SRSF12: variants seen among roughly 807,000 people sequenced by gnomAD.
SRSF12 encodes serine/arginine-rich splicing factor 12.
SRSF12 carries 21 observed loss-of-function variants against 34.1 expected under a neutral mutation model. The ratio of observed to expected loss-of-function variants is 0.62; its 90% CI spans 0.44 to 0.89. The LOEUF (loss-of-function observed/expected upper bound fraction) is 0.89, where lower values mean the gene tolerates loss of function less well. SRSF12 is among the 40% of genes least tolerant of loss of function. The pLI is 0.00. For synonymous variants in SRSF12, 111 were observed against 110.8 expected (o/e 1.00, Z -0.01); for missense variants, 278 against 327.8 (o/e 0.85, Z 1.17).
At chr6:89,104,649 G>T (rs1276306433) in intron 4 of SRSF12, among the ~76,000 whole-genome samples, 1 of 151,896 alleles carries the variant, frequency 6.6e-6, no homozygotes, top group Admixed American at 6.6e-5. Context: ...ATAAACCCAA[G>T]TTAAATAACA....
chr6:89,114,944 G>C (rs1409907479), intron 1 of SRSF12, among the ~76,000 whole-genome samples: 1 of 151,334 alleles, frequency 6.6e-6, no homozygotes, highest in African/African-American at 2.4e-5. Context: ...TCACAGGCAC[G>C]CACCACCATG....
At chr6:89,102,144 TTTTG>T (rs149713169) in intron 4 of SRSF12, among the ~76,000 whole-genome samples, 9,484 of 151,680 alleles carry the variant, frequency 0.063, 847 homozygotes, top group African/African-American at 0.2. Flanking sequence ...CAATTTTTGG[TTTTG>T]TTTGTTTGTT....
At chr6:89,107,943 T>A (rs1215814437) in intron 1 of SRSF12, among the ~76,000 whole-genome samples, 1 of 152,220 alleles carries the variant, frequency 6.6e-6, no homozygotes, top group Non-Finnish European at 1.5e-5. Context: ...ATTGTTTCAC[T>A]AAGAACACAT....
In SRSF12 at chr6:89,117,956, G is replaced by A; in HGVS notation, c.-69C>T. ...ACTCGCTCCGTCTCCCGCTACCGCT[G>A]CTACCACCACAGGAGCTCCGCCGGC... On this transcript the variant is annotated 5_prime_UTR_variant, in exon 1 of 5. Coordinates refer to ENST00000452027, the MANE Select transcript of SRSF12 (RefSeq NM_080743.5). The A allele has an allele frequency of 2.7e-6, 4 of 1,482,010 alleles. No homozygotes were observed. The highest frequency in any genetic ancestry group is 2.7e-6 in the Non-Finnish European group (3 of 1,104,696). The allele number at this position is 1,482,010 out of a possible 1,614,324, so 91.8% of individuals were successfully genotyped here. A position where few individuals can be genotyped will look rare whatever the true frequency, so the allele number is the denominator to read the frequency against.
chr6:89,101,630 G>A (rs1250506038), intron 4 of SRSF12, among the ~76,000 whole-genome samples: 3 of 151,878 alleles, frequency 2.0e-5, no homozygotes, highest in South Asian at 2.1e-4. Context: ...TCTGGGAGGC[G>A]GAGGTTGTAG....
rs1222574112 is a variant in SRSF12 at position 89,117,978 on chromosome 6, C to T, written c.-91G>A. ...GCTGCTACCACCACAGGAGCTCCGC[C>T]GGCCCCCGGCGCGACCCCCACCCCT... On this transcript the variant is annotated 5_prime_UTR_variant, in exon 1 of 5. Coordinates refer to ENST00000452027, the MANE Select transcript of SRSF12 (RefSeq NM_080743.5). 3 of 1,380,592 alleles carry T rather than the reference C, an allele frequency of 2.2e-6. No individual in the cohort carries two copies. The highest frequency in any genetic ancestry group is 2.9e-6 in the Non-Finnish European group (3 of 1,027,622). 85.5% of individuals were successfully genotyped at this position (1,380,592 alleles called of 1,614,324 possible).
rs1026817311 is a variant in SRSF12, at chr6:89,112,870, T to A, written c.65+4953A>T. On this transcript the variant is annotated intron_variant, in intron 1 of 4. Coordinates refer to ENST00000452027, the MANE Select transcript of SRSF12 (RefSeq NM_080743.5). ...CTAGACAGGTGTACCTTTTAAAAAATCTTTTACACCATATTTTTAGTGTCT... is the reference window on the plus strand; with the variant it reads ...CTAGACAGGTGTACCTTTTAAAAAAACTTTTACACCATATTTTTAGTGTCT... Among the ~76,000 whole-genome samples the A allele has an allele frequency of 3.9e-5, 6 of 152,208 alleles. No homozygotes were observed. The East Asian group carries it at 9.6e-4, about 24-fold the overall frequency.
chr6:89,096,626 A>G lies in SRSF12; in HGVS notation c.*1952T>C, dbSNP rs1392393420. 6.6e-6 allele frequency: 1 copy of G among 152,174 alleles called. No individual in the cohort carries two copies. Among genetic ancestry groups the G allele is most frequent in the East Asian group, 1.9e-4 (1 of 5,204 alleles). The allele number at this position is 152,174 out of a possible 1,614,324, so 9.4% of individuals were successfully genotyped here. ...GTGAATACAGAGTAAAGATACTATA[A>G]TCAATCCCTAGTTATTATTTTTCAC... is the stretch of plus-strand genomic sequence containing the variant. On this transcript the variant is annotated 3_prime_UTR_variant, in exon 5 of 5. Coordinates refer to ENST00000452027, the MANE Select transcript of SRSF12 (RefSeq NM_080743.5).
rs567706464 is a variant in SRSF12 at position 89,104,351 on chromosome 6, C to T, written c.416+768G>A. On this transcript the variant is annotated intron_variant, in intron 4 of 4. Coordinates refer to ENST00000452027, the MANE Select transcript of SRSF12 (RefSeq NM_080743.5). ...TCCCAGGTTCAAGTGATTCTCCTGCCTCAACCTCCTGAGTAGCTGGGATTA... is the reference window on the plus strand; with the variant it reads ...TCCCAGGTTCAAGTGATTCTCCTGCTTCAACCTCCTGAGTAGCTGGGATTA... Among the ~76,000 whole-genome samples, 5 of 151,836 alleles carry T rather than the reference C, an allele frequency of 3.3e-5. No homozygotes were observed. The South Asian group carries it at 1.0e-3, about 32-fold the overall frequency.
At chr6:89,112,509 A>AT (rs1409686132) in intron 1 of SRSF12, among the ~76,000 whole-genome samples, 1 of 142,010 alleles carries the variant, frequency 7.0e-6, no homozygotes, top group Non-Finnish European at 1.5e-5. Flanking sequence ...TGCAGTGGTG[A>AT]TATCATAACT....
chr6:89,116,598 A>AACTAATGCCACTAC, intron 1 of SRSF12, among the ~76,000 whole-genome samples: 1 of 152,016 alleles, frequency 6.6e-6, no homozygotes, highest in Non-Finnish European at 1.5e-5. Flanking sequence ...AACATAATGA[A>AACTAATGCCACTAC]ACCTCATCTC....
chr6:89,117,689 G>C, intron 1 of SRSF12, 134 bp downstream of exon 1: 5 of 858,636 alleles, frequency 5.8e-6, no homozygotes, highest in Non-Finnish European at 6.5e-6. Context: ...ACCTCCCCAA[G>C]TGGCGCAGCC....
chr6:89,101,707 T>A (rs528378428), intron 4 of SRSF12, among the ~76,000 whole-genome samples: 4,691 of 146,862 alleles, frequency 0.032, 241 homozygotes, highest in African/African-American at 0.11. Context: ...CAAAAAAAAA[T>A]AAAAATAAAA....
intron 1 of SRSF12, among the ~76,000 whole-genome samples, 198 bp downstream of exon 1, chr6:89,117,625 G>C (rs1769370503): frequency 6.6e-6 from 1 of 152,080 alleles, no homozygotes; most frequent in Non-Finnish European, 1.5e-5. Context: ...AAGCTGGCCG[G>C]GAGGGCGGAG....
intron 1 of SRSF12, 75 bp downstream of exon 1, chr6:89,117,748 C>T: frequency 7.0e-6 from 10 of 1,428,970 alleles, no homozygotes; most frequent in Non-Finnish European, 9.2e-6. Context: ...TCCGCCGGGC[C>T]TCGGCCGTGC....
At chr6:89,111,955 A>AT (rs1172974632) in intron 1 of SRSF12, among the ~76,000 whole-genome samples, 7 of 152,202 alleles carry the variant, frequency 4.6e-5, no homozygotes, top group African/African-American at 1.7e-4. Context: ...CAAAGATATT[A>AT]TTTTTCCTAA....
chr6:89,102,125 G>C (rs1355404189), intron 4 of SRSF12, among the ~76,000 whole-genome samples: 1 of 151,062 alleles, frequency 6.6e-6, no homozygotes, highest in Non-Finnish European at 1.5e-5. Context: ...ACACCATGTA[G>C]AGCCTCTTCA....
chr6:89,109,139 C>T (rs1768927258), intron 1 of SRSF12, among the ~76,000 whole-genome samples: 1 of 152,170 alleles, frequency 6.6e-6, no homozygotes, highest in Non-Finnish European at 1.5e-5. Flanking sequence ...TTCTCAACCT[C>T]TCCTGAGTAC....
At chr6:89,100,797 C>T (rs1297215008) in intron 4 of SRSF12, among the ~76,000 whole-genome samples, 1 of 152,046 alleles carries the variant, frequency 6.6e-6, no homozygotes, top group Non-Finnish European at 1.5e-5. Flanking sequence ...TAACAGCAAT[C>T]TAGATATAGC....
Sources: allele counts gnomAD v4.1 joint callset (sites outside exome capture counted in the v4.1 genomes callset), GRCh38; gene constraint gnomAD v4.1.1; transcripts MANE v1.5; gene names NCBI Gene and HGNC (gene_info 2026-07-23, HGNC 2026-07-21).